The following KIF14 variants were observed in gnomAD, a reference collection of about 807,000 sequenced individuals.
KIF14 encodes kinesin-like protein KIF14.
KIF14 carries 98 observed loss-of-function variants against 176.2 expected under a neutral mutation model. That is an observed-to-expected ratio of 0.56 (90% confidence interval 0.47 to 0.66). KIF14 has a LOEUF of 0.66. KIF14 is among the 30% of genes least tolerant of loss of function. The pLI is 0.00. For synonymous variants in KIF14, 566 were observed against 632.2 expected (o/e 0.90, Z 1.57); for missense variants, 1,751 against 1,920.4 (o/e 0.91, Z 1.65).
intron 25 of KIF14, among the ~76,000 whole-genome samples, chr1:200,562,987 T>C (rs1422124561): frequency 1.3e-5 from 2 of 152,228 alleles, no homozygotes; most frequent in Non-Finnish European, 2.9e-5. Flanking sequence ...ATAAATAGTA[T>C]GTTATATTAA....
intron 23 of KIF14, 103 bp downstream of exon 23, chr1:200,569,808 T>G: frequency 1.7e-6 from 1 of 589,300 alleles, no homozygotes. Context: ...ATCAGAAGCT[T>G]CCAGGAAATG....
Position 200,606,777 on chromosome 1 carries a change from C to T in KIF14, c.1576G>A (p.Val526Ile). 1 of 1,613,530 alleles carries T rather than the reference C, an allele frequency of 6.2e-7. No individual in the cohort carries two copies. Among genetic ancestry groups the T allele is most frequent in the African/African-American group, 1.3e-5 (1 of 75,030 alleles). Reference sequence around the variant, plus strand: ...AGTGCTTCAACATATGGTCCATAAACAGGATGTTCCCTCACTCTCAGCTAG... The same window carrying T: ...AGTGCTTCAACATATGGTCCATAAATAGGATGTTCCCTCACTCTCAGCTAG... ...KQPLRVREHP[V>I]YGPYVEALSM... Residue 526 changes from valine to isoleucine, a missense_variant, in exon 6 of 30, where the codon GTT becomes ATT. Transcript: ENST00000367350.
chr1:200,595,740 G>C (rs12085579), intron 14 of KIF14, among the ~76,000 whole-genome samples: 81,794 of 151,362 alleles, frequency 0.54, 22,665 homozygotes, highest in East Asian at 0.69. Flanking sequence ...CCTGAGGTCA[G>C]GAGTTCAAGA....
intron 18 of KIF14, among the ~76,000 whole-genome samples, chr1:200,587,813 A>C (rs1219710838): frequency 2.0e-5 from 3 of 152,228 alleles, no homozygotes; most frequent in Admixed American, 6.5e-5. Context: ...CCGTCTCAAA[A>C]TAAAACAAAA....
In KIF14 at chr1:200,589,263, T is replaced by C. The variant is rs750921646; in HGVS notation, c.3068A>G (p.Tyr1023Cys). The change falls in exon 18 of 30, where the codon TAT becomes TGT. Residue 1023 changes from tyrosine to cysteine, a missense_variant. By Grantham distance (194) the Tyr-to-Cys change is radical (BLOSUM62 -2). Transcript: ENST00000367350. ...KAKQHLEQEI[Y>C]VNKKRLEMET... ...CATTTCTAATCGCTTTTTGTTGACATATATTTCCTGTTCAAGATGCTGCTT... is the reference window on the plus strand; with the variant it reads ...CATTTCTAATCGCTTTTTGTTGACACATATTTCCTGTTCAAGATGCTGCTT... The C allele has an allele frequency of 1.2e-6, 2 of 1,611,534 alleles. No individual in the cohort carries two copies. Among genetic ancestry groups the C allele is most frequent in the Non-Finnish European group, 1.7e-6 (2 of 1,178,214 alleles).
Position 200,580,283 on chromosome 1 carries a change from T to G in KIF14, c.3436A>C (p.Lys1146Gln). 2.0e-6 allele frequency: 3 copies of G among 1,482,816 alleles called. No homozygotes were observed. The highest frequency in any genetic ancestry group is 1.4e-5 in the African/African-American group (1 of 70,952). The allele number at this position is 1,482,816 out of a possible 1,614,324, so 91.9% of individuals were successfully genotyped here. A position where few individuals can be genotyped will look rare whatever the true frequency, so the allele number is the denominator to read the frequency against. ...TFWSLEKFES[K>Q]LAAMKELYES... ...TAAAGTTCTTTCATTGCTGCAAGTTTAGATTCAAACTTTTCCAGACTCCAG... is the reference window on the plus strand; with the variant it reads ...TAAAGTTCTTTCATTGCTGCAAGTTGAGATTCAAACTTTTCCAGACTCCAG... The change falls in exon 21 of 30, where the codon AAA (lysine) becomes CAA (glutamine). Residue 1146 changes from lysine (K) to glutamine (Q), a missense_variant. Transcript: ENST00000367350.
rs112128735 is a variant in KIF14, at chr1:200,616,739, T to C, written c.1112+873A>G. On this transcript the variant is annotated intron_variant, in intron 2 of 29. Coordinates refer to ENST00000367350, the MANE Select transcript of KIF14 (RefSeq NM_014875.3). Reference sequence around the variant, plus strand: ...CTACATTAAAATATTTTAAAACAATTACATTTTGTCACATTCACATTTTGT... The same window carrying C: ...CTACATTAAAATATTTTAAAACAATCACATTTTGTCACATTCACATTTTGT... Among the ~76,000 whole-genome samples the C allele has an allele frequency of 3.3e-3, 497 of 152,346 alleles. 5 individuals are homozygous for C. Among genetic ancestry groups the C allele is most frequent in the African/African-American group, 0.012 (479 of 41,578 alleles).
intron 5 of KIF14, 57 bp from the exon 6 acceptor site, chr1:200,606,855 G>C: frequency 7.6e-7 from 1 of 1,319,042 alleles, no homozygotes; most frequent in South Asian, 1.2e-5. Context: ...CATGTAACTT[G>C]AAATGATCAC....
intron 23 of KIF14, among the ~76,000 whole-genome samples, chr1:200,567,126 G>A (rs1208530088): frequency 4.0e-5 from 6 of 151,514 alleles, no homozygotes; most frequent in Middle Eastern, 3.4e-3. Context: ...AGCCGAGATC[G>A]CGCCATTGCA....
chr1:200,574,893 A>G (rs1658006183), intron 22 of KIF14, among the ~76,000 whole-genome samples: 1 of 151,932 alleles, frequency 6.6e-6, no homozygotes, highest in African/African-American at 2.4e-5. Context: ...TCTGTAACTT[A>G]CAAGAAAATA....
intron 1 of KIF14, among the ~76,000 whole-genome samples, chr1:200,619,896 G>A (rs1042555915): frequency 6.6e-6 from 1 of 152,156 alleles, no homozygotes; most frequent in Non-Finnish European, 1.5e-5. Context: ...TTAAAGAAAG[G>A]GAACAGCAGT....
chr1:200,605,980 A>C, intron 6 of KIF14, 86 bp from the exon 7 acceptor site: 1 of 688,960 alleles, frequency 1.5e-6, no homozygotes. Flanking sequence ...TCAATTACAT[A>C]TTTACGCTGA....
rs1486318268 is a variant in KIF14, at chr1:200,615,358, T to G, written c.1364A>C (p.Tyr455Ser). ...AYGQTGSGKS[Y>S]TMMGFSEEPG... ...TTGCATTTCCAATACAACTTACGTA[T>G]ATGATTTTCCAGAGCCAGTCTGACC... The change falls in exon 3 of 30, where the codon TAT (tyrosine) becomes TCT (serine). Residue 455 changes from tyrosine to serine, a missense_variant. Tyr to Ser is a moderately radical substitution (Grantham distance 144, BLOSUM62 -2). Transcript: ENST00000367350. The G allele has an allele frequency of 1.2e-6, 2 of 1,609,884 alleles. No homozygotes were observed. The highest frequency in any genetic ancestry group is 1.7e-6 in the Non-Finnish European group (2 of 1,178,358).
At chr1:200,565,797 G>GTTT (rs1657416428) in intron 23 of KIF14, 128 bp from the exon 24 acceptor site, 1 of 635,360 alleles carries the variant, frequency 1.6e-6, no homozygotes. Flanking sequence ...AAGCATTTTT[G>GTTT]TGTTCACTGT....
In KIF14 at chr1:200,614,320, C is replaced by T. The variant is rs746417826; in HGVS notation, c.1453G>A (p.Glu485Lys). The part of the protein sequence containing the change: ...FSQVARKQTQ[E>K]VSYHIEMSFF... Reference sequence around the variant, plus strand: ...TTGCAGGTATTATAAGAACATACCTCTTGGGTTTGTTTTCTGGCTACTTGA... The same window carrying T: ...TTGCAGGTATTATAAGAACATACCTTTTGGGTTTGTTTTCTGGCTACTTGA... Residue 485 changes from glutamate (E) to lysine (K), a missense_variant and splice_region_variant, in exon 4 of 30, where the codon GAG (glutamate) becomes AAG (lysine). By Grantham distance (56) the Glu-to-Lys change is moderately conservative. Transcript: ENST00000367350. 6.4e-7 allele frequency: 1 copy of T among 1,571,284 alleles called. No homozygotes were observed. The highest frequency in any genetic ancestry group is 8.8e-7 in the Non-Finnish European group (1 of 1,142,374).
At position 200,605,344 on chromosome 1, in the gene KIF14, C is replaced by T. The variant is rs1157749797; in HGVS notation, c.1685G>A (p.Gly562Asp). 2 of 1,613,638 alleles carry T rather than the reference C, an allele frequency of 1.2e-6. No individual in the cohort carries two copies. Among genetic ancestry groups the T allele is most frequent in the East Asian group, 2.2e-5 (1 of 44,810 alleles). Reference sequence around the variant, plus strand: ...AGATCGGGAACTTTTATCATTCATACCAGTAGCAGCAGTAGCTCTTTGTTT... The same window carrying T: ...AGATCGGGAACTTTTATCATTCATATCAGTAGCAGCAGTAGCTCTTTGTTT... ...GNKQRATAAT[G>D]MNDKSSRSHS... The change falls in exon 8 of 30, where the codon GGT (glycine) becomes GAT (aspartate). Residue 562 changes from glycine to aspartate, a missense_variant. Coordinates refer to ENST00000367350, the MANE Select transcript of KIF14 (RefSeq NM_014875.3).
chr1:200,616,887 T>C (rs556058810), intron 2 of KIF14, among the ~76,000 whole-genome samples: 2 of 152,246 alleles, frequency 1.3e-5, no homozygotes, highest in South Asian at 4.1e-4. Context: ...AACTACTATA[T>C]AGTAATCGGA....
chr1:200,602,045 C>T lies in KIF14; in HGVS notation c.2003G>A (p.Gly668Glu). 1 of 1,612,164 alleles carries T rather than the reference C, an allele frequency of 6.2e-7. No homozygotes were observed. The highest frequency in any genetic ancestry group is 8.5e-7 in the Non-Finnish European group (1 of 1,179,482). ...AGCAATCATTGCAGTTTTTGAATTT[C>T]CACCCAGACTTTCTTTTAACAGCCT... ...LTWLLKESLG[G>E]NSKTAMIATI... The change falls in exon 11 of 30, where the codon GGA becomes GAA. Residue 668 changes from glycine (G) to glutamate (E), a missense_variant. By Grantham distance (98) the Gly-to-Glu change is moderately conservative. Transcript: ENST00000367350.
chr1:200,590,712 G>C (rs1189700050), intron 16 of KIF14, among the ~76,000 whole-genome samples: 1 of 152,130 alleles, frequency 6.6e-6, no homozygotes, highest in Admixed American at 6.5e-5. Flanking sequence ...ATGGATGATG[G>C]TGATGGTTGC....
Sources: allele counts gnomAD v4.1 joint callset (sites outside exome capture counted in the v4.1 genomes callset), GRCh38; gene constraint gnomAD v4.1.1; transcripts MANE v1.5; gene names NCBI Gene and HGNC (gene_info 2026-07-23, HGNC 2026-07-21).